ROBO2: variants seen among roughly 807,000 people sequenced by gnomAD.
The protein encoded by ROBO2 is roundabout homolog 2.
In ROBO2, 53 loss-of-function variants were observed where a neutral mutation model predicts 160.8. The observed-to-expected ratio is 0.33, with a 90% confidence interval of 0.26 to 0.41. The LOEUF (loss-of-function observed/expected upper bound fraction) is 0.41, where lower values mean the gene tolerates loss of function less well. Ranked by LOEUF, ROBO2 falls within the 10% of genes least tolerant of loss-of-function variation. The pLI is 1.00. For synonymous variants in ROBO2, 664 were observed against 611.7 expected (o/e 1.09, Z -1.26); for missense variants, 1,577 against 1,722.4 (o/e 0.92, Z 1.49).
chr3:76,023,251 T>C lies in ROBO2; in HGVS notation c.109+85649T>C, dbSNP rs145491637. On this transcript the variant is annotated intron_variant, in intron 2 of 26. Coordinates refer to the ROBO2 transcript ENST00000487694. ...TTTATCGTTCATTTGTTCACTGTAG[T>C]AGCACTTTCAATTACCTTCAAGAAC... 3.3e-5 allele frequency among the ~76,000 whole-genome samples: 5 copies of C among 151,872 alleles called. No homozygotes were observed. The East Asian group carries it at 9.6e-4, about 29-fold the overall frequency.
At chr3:76,965,936 T>G (rs1256516263) in intron 2 of ROBO2, among the ~76,000 whole-genome samples, 1 of 147,476 alleles carries the variant, frequency 6.8e-6, no homozygotes, top group Non-Finnish European at 1.5e-5. Context: ...TTTTTTTTTT[T>G]TTTGAGACGG....
intron 2 of ROBO2, among the ~76,000 whole-genome samples, chr3:76,248,206 G>A (rs1177307122): frequency 1.3e-5 from 2 of 151,942 alleles, no homozygotes; most frequent in Non-Finnish European, 2.9e-5. Flanking sequence ...GTTTATTGCG[G>A]CATTATTCAC....
chr3:77,496,146 C>T (rs968429096), intron 5 of ROBO2, among the ~76,000 whole-genome samples: 2 of 152,142 alleles, frequency 1.3e-5, no homozygotes, highest in Non-Finnish European at 2.9e-5. Context: ...TAGCTTTGGC[C>T]TCTTTATTCT....
rs558067136 is a variant in ROBO2 at position 76,322,615 on chromosome 3, C to A, written c.109+385013C>A. 4.6e-5 allele frequency among the ~76,000 whole-genome samples: 7 copies of A among 152,164 alleles called. No individual in the cohort carries two copies. The South Asian group carries it at 1.2e-3, about 27-fold the overall frequency. ...AAAGTGATAGCATGTTTTTCCCAAG[C>A]ACAAATTTTGACTTATAATAATTAA... On this transcript the variant is annotated intron_variant, in intron 2 of 26. Transcript: ENST00000487694.
chr3:76,372,783 A>G (rs930201545), intron 2 of ROBO2, among the ~76,000 whole-genome samples: 4 of 151,882 alleles, frequency 2.6e-5, no homozygotes, highest in African/African-American at 9.7e-5. Context: ...TTGCTTCTCT[A>G]GTACTAACTC....
At chr3:77,514,285 A>G (rs2089755871) in intron 5 of ROBO2, among the ~76,000 whole-genome samples, 1 of 151,828 alleles carries the variant, frequency 6.6e-6, no homozygotes, top group Non-Finnish European at 1.5e-5. Flanking sequence ...TTAATAGGAG[A>G]ATAATTTTAA....
chr3:77,396,351 G>T (rs879499695), intron 2 of ROBO2, among the ~76,000 whole-genome samples: 1 of 152,026 alleles, frequency 6.6e-6, no homozygotes, highest in Admixed American at 6.6e-5. Context: ...GTATTTTTCA[G>T]TTGTTTCTCT....
chr3:76,092,882 T>C (rs1363997238), intron 2 of ROBO2, among the ~76,000 whole-genome samples: 3 of 152,194 alleles, frequency 2.0e-5, no homozygotes, highest in Non-Finnish European at 4.4e-5. Flanking sequence ...GTTTGAAGTA[T>C]TTTCCTGATA....
chr3:76,554,563 TAAAGGC>T (rs1249521100), intron 2 of ROBO2, among the ~76,000 whole-genome samples: 1 of 152,136 alleles, frequency 6.6e-6, no homozygotes, highest in Non-Finnish European at 1.5e-5. Flanking sequence ...ATTGCGTGTC[TAAAGGC>T]AAACAGCCCT....
intron 2 of ROBO2, among the ~76,000 whole-genome samples, chr3:77,240,459 G>A (rs1009589567): frequency 3.3e-5 from 5 of 152,228 alleles, no homozygotes; most frequent in African/African-American, 4.8e-5. Flanking sequence ...TCCTGCCCGC[G>A]CCTCTCCCTC....
chr3:76,783,584 G>A (rs549114902), intron 2 of ROBO2, among the ~76,000 whole-genome samples: 65 of 149,672 alleles, frequency 4.3e-4, no homozygotes, highest in African/African-American at 1.5e-3. Context: ...TTTCTGTTGA[G>A]AAATCCACTG....
intron 2 of ROBO2, among the ~76,000 whole-genome samples, chr3:75,973,166 G>A (rs989134126): frequency 2.6e-5 from 4 of 151,630 alleles, no homozygotes; most frequent in Non-Finnish European, 5.9e-5. Context: ...CATTTACATA[G>A]GCAAAGCATA....
chr3:77,338,605 A>T (rs2066740909), intron 2 of ROBO2, among the ~76,000 whole-genome samples: 1 of 152,170 alleles, frequency 6.6e-6, no homozygotes. Flanking sequence ...TGGCAAACAT[A>T]GGTCTTTAAG....
intron 2 of ROBO2, among the ~76,000 whole-genome samples, chr3:76,111,801 A>ACT (rs552241663): frequency 2.7e-5 from 4 of 146,368 alleles, no homozygotes; most frequent in African/African-American, 7.6e-5. Context: ...GAGGGCAGCG[A>ACT]CTCTCTCTCT....
intron 2 of ROBO2, among the ~76,000 whole-genome samples, chr3:76,596,710 A>C (rs2108886356): frequency 6.6e-6 from 1 of 152,190 alleles, no homozygotes; most frequent in African/African-American, 2.4e-5. Context: ...GATGTCTCTT[A>C]GCCCTCCTGG....
At chr3:76,916,248 C>CTT (rs1173633767) in intron 2 of ROBO2, among the ~76,000 whole-genome samples, 3 of 152,274 alleles carry the variant, frequency 2.0e-5, no homozygotes, top group Non-Finnish European at 4.4e-5. Flanking sequence ...TCGAATGAGA[C>CTT]TTGTTTATGC....
In ROBO2 at chr3:77,000,255, G is replaced by A. The variant is rs539538242; in HGVS notation, c.110-97759G>A. On this transcript the variant is annotated intron_variant, in intron 2 of 26. Transcript: ENST00000487694. The stretch of plus-strand genomic sequence containing the variant: ...GACTCTATAAACCTGAGTGATTCCC[G>A]TATATCTGCACATATACCTGGTAGG... Among the ~76,000 whole-genome samples, 10 of 152,234 alleles carry A rather than the reference G, an allele frequency of 6.6e-5. No individual in the cohort carries two copies. In the East Asian group the frequency reaches 1.4e-3, roughly 21 times the overall value.
chr3:76,707,288 C>T (rs2093184762), intron 2 of ROBO2, among the ~76,000 whole-genome samples: 1 of 152,016 alleles, frequency 6.6e-6, no homozygotes, highest in African/African-American at 2.4e-5. Flanking sequence ...TGCTAACAGA[C>T]TAAAAAGTTT....
At chr3:76,778,518 CGTT>C (rs1479469799) in intron 2 of ROBO2, among the ~76,000 whole-genome samples, 1 of 150,940 alleles carries the variant, frequency 6.6e-6, no homozygotes, top group Non-Finnish European at 1.5e-5. Context: ...AATAAATGAA[CGTT>C]GTTGTTTGAA....
Sources: gnomAD v4.1 joint callset for allele counts (sites outside exome capture counted in the v4.1 genomes callset) on GRCh38, gnomAD v4.1.1 for gene constraint, MANE v1.5 for transcripts, NCBI Gene and HGNC (gene_info 2026-07-23, HGNC 2026-07-21) for gene names.